The following RABGAP1L variants were observed in gnomAD, a reference collection of about 807,000 sequenced individuals.
The protein encoded by RABGAP1L is rab GTPase-activating protein 1-like.
A neutral mutation model predicts 137.7 loss-of-function variants in RABGAP1L; 63 were observed. The ratio of observed to expected loss-of-function variants is 0.46; its 90% CI spans 0.37 to 0.56. The LOEUF (loss-of-function observed/expected upper bound fraction) is 0.56. RABGAP1L is among the 20% of genes least tolerant of loss of function. The pLI is 0.00. For missense variants in RABGAP1L, 1,095 were observed against 1,244.0 expected, an observed-to-expected ratio of 0.88 and a Z score of 1.80; for synonymous variants, 431 against 433.7, an observed-to-expected ratio of 0.99 and a Z score of 0.08.
At chr1:174,615,078 C>T (rs1389016425) in intron 13 of RABGAP1L, among the ~76,000 whole-genome samples, 2 of 152,226 alleles carry the variant, frequency 1.3e-5, no homozygotes, top group Non-Finnish European at 2.9e-5. Context: ...TCTCTCAACT[C>T]GTCAAAGTCA....
intron 19 of RABGAP1L, among the ~76,000 whole-genome samples, chr1:174,864,013 G>T (rs966514286): frequency 1.3e-5 from 2 of 152,128 alleles, no homozygotes; most frequent in Admixed American, 1.3e-4. Flanking sequence ...ACTGGATACA[G>T]AATTCTATAA....
chr1:174,223,075 C>A (rs1455382355), intron 3 of RABGAP1L, among the ~76,000 whole-genome samples: 1 of 151,788 alleles, frequency 6.6e-6, no homozygotes, highest in Non-Finnish European at 1.5e-5. Context: ...CCAGACCAGC[C>A]TGGCTAATAT....
intron 13 of RABGAP1L, among the ~76,000 whole-genome samples, chr1:174,446,415 C>T (rs1654773935): frequency 6.6e-6 from 1 of 152,208 alleles, no homozygotes; most frequent in African/African-American, 2.4e-5. Flanking sequence ...TAAGCTGCTG[C>T]ATTGTTCCTG....
intron 11 of RABGAP1L, among the ~76,000 whole-genome samples, chr1:174,358,939 T>C (rs1482074957): frequency 6.6e-6 from 1 of 152,154 alleles, no homozygotes; most frequent in Non-Finnish European, 1.5e-5. Context: ...AAAATTATAA[T>C]TATAATATGA....
Position 174,449,085 on chromosome 1 carries a change from G to A in RABGAP1L, c.1710+54940G>A, listed in dbSNP as rs190571445. On this transcript the variant is annotated intron_variant, in intron 13 of 25. Transcript: ENST00000681986. ...TACAGCCTCTCCAACAGCGTTTTCC[G>A]GCTAGGCCTCCGAAGACTGTCTGAG... is the stretch of plus-strand genomic sequence containing the variant. 4.0e-5 allele frequency: 65 copies of A among 1,613,996 alleles called. No individual in the cohort carries two copies. The highest frequency in any genetic ancestry group is 3.3e-4 in the Middle Eastern group (2 of 6,062).
At chr1:174,400,256 A>G (rs771656214) in intron 13 of RABGAP1L, among the ~76,000 whole-genome samples, 1 of 152,080 alleles carries the variant, frequency 6.6e-6, no homozygotes, top group Non-Finnish European at 1.5e-5. Flanking sequence ...TTGGTCCTCA[A>G]ATATATTCGA....
intron 11 of RABGAP1L, among the ~76,000 whole-genome samples, chr1:174,324,362 C>T (rs1298183399): frequency 6.6e-6 from 1 of 151,970 alleles, no homozygotes; most frequent in African/African-American, 2.4e-5. Flanking sequence ...GGTTATAATG[C>T]AATTTTTGGT....
At chr1:174,918,914 G>A (rs12084218) in intron 19 of RABGAP1L, among the ~76,000 whole-genome samples, 2,448 of 152,216 alleles carry the variant, frequency 0.016, 47 homozygotes, top group African/African-American at 0.056. Flanking sequence ...TATTCAGGAG[G>A]CTTGAGGTGG....
chr1:174,205,100 C>T (rs1668414304), intron 1 of RABGAP1L, among the ~76,000 whole-genome samples: 1 of 152,128 alleles, frequency 6.6e-6, no homozygotes, highest in Admixed American at 6.5e-5. Context: ...TGATGAGTCA[C>T]ATTTATTGAT....
intron 14 of RABGAP1L, among the ~76,000 whole-genome samples, chr1:174,653,633 C>T (rs1054757656): frequency 2.6e-5 from 4 of 152,196 alleles, no homozygotes; most frequent in Non-Finnish European, 2.9e-5. Flanking sequence ...GAGCTGGTAC[C>T]TGTGTTGGAA....
At chr1:174,796,568 A>G (rs976987963) in intron 18 of RABGAP1L, among the ~76,000 whole-genome samples, 46 of 152,198 alleles carry the variant, frequency 3.0e-4, no homozygotes, top group Non-Finnish European at 4.6e-4. Flanking sequence ...TTTTGAATGC[A>G]AGGATTTTTG....
chr1:174,563,319 T>C (rs543327468), intron 13 of RABGAP1L, among the ~76,000 whole-genome samples: 1 of 152,310 alleles, frequency 6.6e-6, no homozygotes, highest in Admixed American at 6.5e-5. Flanking sequence ...TAATTAGATA[T>C]GAAATTAACA....
intron 7 of RABGAP1L, among the ~76,000 whole-genome samples, chr1:174,254,242 T>A (rs1448132594): frequency 6.6e-6 from 1 of 152,218 alleles, no homozygotes; most frequent in Non-Finnish European, 1.5e-5. Flanking sequence ...TGGCCATATG[T>A]AAAAACCATC....
chr1:174,252,339 T>G, intron 6 of RABGAP1L, 141 bp from the exon 7 acceptor site: 12 of 925,670 alleles, frequency 1.3e-5, no homozygotes, highest in Non-Finnish European at 1.8e-5. Flanking sequence ...TTGCTGCCTG[T>G]GGCAAGGTGA....
intron 17 of RABGAP1L, among the ~76,000 whole-genome samples, chr1:174,730,188 G>A (rs1325151309): frequency 2.0e-5 from 3 of 152,160 alleles, no homozygotes; most frequent in Non-Finnish European, 2.9e-5. Context: ...TATCCTAAGT[G>A]AATTAATACG....
chr1:174,867,163 A>G (rs1010478128), intron 19 of RABGAP1L, among the ~76,000 whole-genome samples: 1 of 152,012 alleles, frequency 6.6e-6, no homozygotes, highest in African/African-American at 2.4e-5. Flanking sequence ...CGGCCGGATC[A>G]CGAGGTCAGG....
intron 11 of RABGAP1L, among the ~76,000 whole-genome samples, chr1:174,364,964 C>T (rs1252831452): frequency 6.6e-6 from 1 of 152,132 alleles, no homozygotes; most frequent in African/African-American, 2.4e-5. Flanking sequence ...CGACTCTGCC[C>T]ATTACCTTAT....
intron 13 of RABGAP1L, among the ~76,000 whole-genome samples, chr1:174,550,925 T>C (rs1290264519): frequency 1.3e-3 from 79 of 61,684 alleles, no homozygotes; most frequent in Middle Eastern, 0.01. Context: ...CACACACATA[T>C]ATATATACAC....
intron 15 of RABGAP1L, among the ~76,000 whole-genome samples, chr1:174,687,489 G>C (rs1161960920): frequency 6.6e-6 from 1 of 152,170 alleles, no homozygotes; most frequent in Non-Finnish European, 1.5e-5. Context: ...TGATAATTCT[G>C]TTAATTAGCA....
Sources: gnomAD v4.1 joint callset for allele counts (sites outside exome capture counted in the v4.1 genomes callset) on GRCh38, gnomAD v4.1.1 for gene constraint, MANE v1.5 for transcripts, NCBI Gene and HGNC (gene_info 2026-07-23, HGNC 2026-07-21) for gene names.